CDON: variants seen among roughly 807,000 people sequenced by gnomAD.
CDON encodes cell adhesion associated, oncogene regulated, also known as cell adhesion molecule-related/down-regulated by oncogenes.
CDON carries 73 observed loss-of-function variants against 120.9 expected under a neutral mutation model. That is an observed-to-expected ratio of 0.60 (90% CI 0.50 to 0.73). The LOEUF (loss-of-function observed/expected upper bound fraction) is 0.73, where lower values mean the gene tolerates loss of function less well. CDON is among the 30% of genes least tolerant of loss of function. The pLI is 0.00. For synonymous variants in CDON, 566 were observed against 573.5 expected, an observed-to-expected ratio of 0.99 and a Z score of 0.19; for missense variants, 1,470 against 1,587.3, an observed-to-expected ratio of 0.93 and a Z score of 1.26.
chr11:126,051,563 T>A (rs1345294457), intron 1 of CDON, among the ~76,000 whole-genome samples: 2 of 152,110 alleles, frequency 1.3e-5, no homozygotes, highest in African/African-American at 4.8e-5. Context: ...CTGTATTGTA[T>A]AATTAAAACC....
chr11:126,012,551 G>A (rs978890279), intron 7 of CDON, among the ~76,000 whole-genome samples: 3 of 150,562 alleles, frequency 2.0e-5, no homozygotes, highest in South Asian at 4.2e-4. Context: ...ACAGGTTCAC[G>A]CTGCCATGCC....
chr11:125,985,792 C>T (rs971116746), intron 15 of CDON, among the ~76,000 whole-genome samples: 12 of 151,636 alleles, frequency 7.9e-5, no homozygotes, highest in African/African-American at 2.9e-4. Flanking sequence ...GTTAGAATGG[C>T]GATCATTAAA....
At chr11:126,020,679 C>T (rs1295762705) in intron 3 of CDON, among the ~76,000 whole-genome samples, 5 of 152,204 alleles carry the variant, frequency 3.3e-5, no homozygotes, top group Non-Finnish European at 7.3e-5. Context: ...CAGATGGCTC[C>T]AACTTACTAA....
At chr11:126,039,110 T>C (rs1259463174) in intron 1 of CDON, among the ~76,000 whole-genome samples, 1 of 152,156 alleles carries the variant, frequency 6.6e-6, no homozygotes, top group Non-Finnish European at 1.5e-5. Context: ...CCAACTTAAG[T>C]CTATGGCTGG....
chr11:125,961,137 A>C, intron 19 of CDON, 32 bp from the exon 20 acceptor site: 1 of 1,603,328 alleles, frequency 6.2e-7, no homozygotes, highest in Non-Finnish European at 8.5e-7. Flanking sequence ...GAGCATTATC[A>C]AATGATAAAG....
At chr11:125,996,418 C>T (rs1008510192) in intron 12 of CDON, among the ~76,000 whole-genome samples, 4 of 151,948 alleles carry the variant, frequency 2.6e-5, no homozygotes, top group South Asian at 2.1e-4. Flanking sequence ...ATTTATGGCA[C>T]GATCCTGCGG....
In CDON at chr11:125,960,598, G is replaced by A. The variant is rs1020685565; in HGVS notation, c.*344C>T. ...CGGGCCCCTGCATTCCCTCCTAGCCGAAGCAGCCAAGAGATGGGATCCTTT... is the reference window on the plus strand; with the variant it reads ...CGGGCCCCTGCATTCCCTCCTAGCCAAAGCAGCCAAGAGATGGGATCCTTT... On this transcript the variant is annotated 3_prime_UTR_variant, in exon 20 of 20. Coordinates refer to ENST00000531738, the MANE Select transcript of CDON (RefSeq NM_001378964.1). 10 of 294,718 alleles carry A rather than the reference G, an allele frequency of 3.4e-5. No individual in the cohort carries two copies. The highest frequency in any genetic ancestry group is 6.6e-5 in the African/African-American group (3 of 45,290). The allele number at this position is 294,718 out of a possible 1,614,324, so 18.3% of individuals were successfully genotyped here. A position where few individuals can be genotyped will look rare whatever the true frequency, so the allele number is the denominator to read the frequency against.
At chr11:126,018,236 C>T in intron 5 of CDON, 94 bp downstream of exon 5, 1 of 1,320,558 alleles carries the variant, frequency 7.6e-7, no homozygotes. Flanking sequence ...TTATGATAAA[C>T]AAACAGGATT....
At chr11:125,961,524 C>G in intron 19 of CDON, 200 bp downstream of exon 19, 2 of 650,762 alleles carry the variant, frequency 3.1e-6, no homozygotes, top group Non-Finnish European at 5.2e-6. Context: ...AGATGAAGGA[C>G]ATGAGTAATA....
At chr11:125,983,828 C>A in intron 16 of CDON, 44 bp downstream of exon 16, 3 of 1,380,856 alleles carry the variant, frequency 2.2e-6, no homozygotes, top group Non-Finnish European at 3.1e-6. Context: ...TATTTGTCTA[C>A]CCACCTTTAG....
chr11:126,009,247 A>G (rs1947220739), intron 8 of CDON, among the ~76,000 whole-genome samples: 1 of 152,206 alleles, frequency 6.6e-6, no homozygotes, highest in African/African-American at 2.4e-5. Flanking sequence ...CATTCAGAGC[A>G]AGGGCGTCCT....
intron 8 of CDON, 90 bp from the exon 9 acceptor site, chr11:126,006,147 T>C (rs973884853): frequency 5.1e-5 from 60 of 1,184,718 alleles, no homozygotes; most frequent in African/African-American, 2.0e-4. Flanking sequence ...CTCACTTGTA[T>C]TGTTAGCACA....
At chr11:125,961,217 A>G in intron 19 of CDON, 112 bp from the exon 20 acceptor site, 2 of 956,934 alleles carry the variant, frequency 2.1e-6, no homozygotes, top group Non-Finnish European at 3.3e-6. Flanking sequence ...AACGAGCATA[A>G]ATAGAACCTG....
At chr11:126,017,052 G>A in intron 6 of CDON, 36 bp downstream of exon 6, 3 of 1,574,850 alleles carry the variant, frequency 1.9e-6, no homozygotes, top group Non-Finnish European at 2.6e-6. Context: ...CAGAAAAATG[G>A]CTTCATTTGA....
chr11:125,966,098 T>C (rs1034297123), intron 18 of CDON, among the ~76,000 whole-genome samples: 2 of 150,982 alleles, frequency 1.3e-5, no homozygotes, highest in African/African-American at 4.9e-5. Flanking sequence ...GATCATGCCA[T>C]TGCACGCCAG....
At chr11:126,015,122 C>T (rs1591387887) in intron 7 of CDON, 119 bp downstream of exon 7, 2 of 963,424 alleles carry the variant, frequency 2.1e-6, no homozygotes, top group Non-Finnish European at 3.3e-6. Context: ...AAAATGAACA[C>T]CGTTCTTGTA....
chr11:125,982,176 G>A (rs139994479), intron 16 of CDON, among the ~76,000 whole-genome samples: 103 of 151,618 alleles, frequency 6.8e-4, no homozygotes, highest in Non-Finnish European at 1.1e-3. Context: ...GGGTTTCACC[G>A]TGCTAGCCAG....
intron 1 of CDON, among the ~76,000 whole-genome samples, chr11:126,061,079 C>T (rs1565563914): frequency 6.6e-6 from 1 of 152,344 alleles, no homozygotes; most frequent in East Asian, 1.9e-4. Flanking sequence ...GCTGACTAAA[C>T]TATTCAAACA....
rs200643125 is a variant in CDON at position 125,994,858 on chromosome 11, G to C, written c.2544+13C>G. The C allele has an allele frequency of 3.1e-5, 50 of 1,606,950 alleles. No homozygotes were observed. The East Asian group carries it at 1.1e-3, about 36-fold the overall frequency. ...CAAACCACAAAATCTCATTCCAGAA[G>C]ATGTGTACTGACCGTCCACTTTAGC... On this transcript the variant is annotated intron_variant, in intron 13 of 19. Transcript: ENST00000531738.
Sources: gnomAD v4.1 joint callset for allele counts (sites outside exome capture counted in the v4.1 genomes callset) on GRCh38, gnomAD v4.1.1 for gene constraint, MANE v1.5 for transcripts, NCBI Gene and HGNC (gene_info 2026-07-23, HGNC 2026-07-21) for gene names.